Variants in PCDHGA6 observed in about 807,000 individuals in gnomAD.
PCDHGA6 encodes protocadherin gamma subfamily A, 6.
In PCDHGA6, 41 loss-of-function variants were observed where a neutral mutation model predicts 60.6. The ratio of observed to expected loss-of-function variants is 0.68; its 90% CI spans 0.53 to 0.88. PCDHGA6 has a LOEUF of 0.88. Ranked by LOEUF, PCDHGA6 falls within the 40% of genes least tolerant of loss-of-function variation. PCDHGA6 has a pLI of 0.00. For synonymous variants in PCDHGA6, 594 were observed against 524.4 expected, an observed-to-expected ratio of 1.13 and a Z score of -1.81; for missense variants, 1,312 against 1,203.0, an observed-to-expected ratio of 1.09 and a Z score of -1.34.
rs1176998287 is a variant in PCDHGA6 at position 141,375,049 on chromosome 5, G to C, written c.966G>C (p.Arg322=). ...TTTATGAGCTGGGTGTTGAAGCCCG[G>C]GATGGGCCAGGTCTTCGAGACAGAG... ...SSFYELGVEA[R]DGPGLRDRAK... Residue 322 remains arginine (R), a synonymous_variant, in exon 1 of 4, where the codon CGG becomes CGC. Coordinates refer to ENST00000517434, the MANE Select transcript of PCDHGA6 (RefSeq NM_018919.3). 2 of 1,614,010 alleles carry C rather than the reference G, an allele frequency of 1.2e-6. No individual in the cohort carries two copies. Among genetic ancestry groups the C allele is most frequent in the Non-Finnish European group, 1.7e-6 (2 of 1,179,900 alleles).
chr5:141,422,775 T>G (rs1179216247), intron 1 of PCDHGA6: 1 of 1,614,046 alleles, frequency 6.2e-7, no homozygotes, highest in Non-Finnish European at 8.5e-7. Context: ...GTGTTCTCTA[T>G]GCCCTACAAT....
chr5:141,388,818 G>T, intron 1 of PCDHGA6: 2 of 1,613,928 alleles, frequency 1.2e-6, no homozygotes, highest in Non-Finnish European at 1.7e-6. Context: ...AGAAGTCAAA[G>T]AATATTCCAT....
intron 1 of PCDHGA6, among the ~76,000 whole-genome samples, chr5:141,453,710 A>C (rs988115758): frequency 3.9e-5 from 6 of 152,242 alleles, no homozygotes; most frequent in African/African-American, 1.4e-4. Context: ...GAACAGTTTC[A>C]CTATAAAAAT....
Position 141,487,649 on chromosome 5 carries a change from G to T in PCDHGA6, c.2425-7158G>T. The T allele has an allele frequency of 1.2e-6, 2 of 1,614,020 alleles. No individual in the cohort carries two copies. The highest frequency in any genetic ancestry group is 1.7e-6 in the Non-Finnish European group (2 of 1,179,968). The stretch of plus-strand genomic sequence containing the variant: ...TTTGCAGGCTCAACAAATGCTTGAG[G>T]GTTATTCTGATCCAGGCATATGGCT... On this transcript the variant is annotated intron_variant, in intron 1 of 3. Coordinates refer to ENST00000517434, the MANE Select transcript of PCDHGA6 (RefSeq NM_018919.3). This position sits in a 1 kb window ranked among gnomAD's most constrained non-coding sequence, Gnocchi z 5.0.
intron 1 of PCDHGA6, among the ~76,000 whole-genome samples, chr5:141,435,395 C>T (rs946113643): frequency 5.3e-5 from 8 of 152,198 alleles, no homozygotes; most frequent in East Asian, 3.9e-4. Context: ...ATTGCCATGA[C>T]GAAAAATGGT....
intron 1 of PCDHGA6, chr5:141,442,382 T>C (rs1256682275): frequency 6.6e-6 from 1 of 152,290 alleles, no homozygotes; most frequent in East Asian, 1.9e-4. Flanking sequence ...CTACCAGGTG[T>C]GTGCTTCTCC....
At chr5:141,508,718 G>T (rs2099871076) in intron 3 of PCDHGA6, among the ~76,000 whole-genome samples, 1 of 151,852 alleles carries the variant, frequency 6.6e-6, no homozygotes, top group Non-Finnish European at 1.5e-5. Flanking sequence ...TTTTCTGTGT[G>T]CAGGGAGACT....
rs147783721 is a variant in PCDHGA6 at position 141,404,989 on chromosome 5, G to A, written c.2424+28482G>A. 5 of 1,614,046 alleles carry A rather than the reference G, an allele frequency of 3.1e-6. No homozygotes were observed. The South Asian group carries it at 4.4e-5, about 14-fold the overall frequency. On this transcript the variant is annotated intron_variant, in intron 1 of 3. Coordinates refer to ENST00000517434, the MANE Select transcript of PCDHGA6 (RefSeq NM_018919.3). The stretch of plus-strand genomic sequence containing the variant: ...TCCTGGCTGACCTGGGCAGTCTTCA[G>A]ATCCCTGCAGACCTGGAGGCCTCAG...
intron 1 of PCDHGA6, chr5:141,399,854 G>T (rs747617678): frequency 6.2e-7 from 1 of 1,612,904 alleles, no homozygotes; most frequent in Non-Finnish European, 8.5e-7. Flanking sequence ...ATGGTGCCGC[G>T]CGCTGCAGAG....
At chr5:141,397,254 A>G (rs961705126) in intron 1 of PCDHGA6, among the ~76,000 whole-genome samples, 12 of 152,184 alleles carry the variant, frequency 7.9e-5, no homozygotes, top group Non-Finnish European at 1.3e-4. Flanking sequence ...AGGGTATATC[A>G]TTTCTTAGCT....
At chr5:141,483,648 T>TTGTGTGTGTG (rs111458813) in intron 1 of PCDHGA6, among the ~76,000 whole-genome samples, 23 of 149,708 alleles carry the variant, frequency 1.5e-4, no homozygotes, top group African/African-American at 3.9e-4. Context: ...GGGTGTGTGT[T>TTGTGTGTGTG]TGTGTGTGTG....
At position 141,484,105 on chromosome 5, in the gene PCDHGA6, A is replaced by G. The variant is rs548687877; in HGVS notation, c.2425-10702A>G. On this transcript the variant is annotated intron_variant, in intron 1 of 3. Coordinates refer to ENST00000517434, the MANE Select transcript of PCDHGA6 (RefSeq NM_018919.3). Reference sequence around the variant, plus strand: ...GAAATGGTCTTCGTTGGTAATTAACAAAAGATCAAGAATACCTTGGTGTCA... The same window carrying G: ...GAAATGGTCTTCGTTGGTAATTAACGAAAGATCAAGAATACCTTGGTGTCA... Among the ~76,000 whole-genome samples, 3 of 152,316 alleles carry G rather than the reference A, an allele frequency of 2.0e-5. No individual in the cohort carries two copies. In the South Asian group the frequency reaches 6.2e-4, roughly 32 times the overall value.
rs934816631 is a variant in PCDHGA6, at chr5:141,378,863, G to A, written c.2424+2356G>A. 6 of 152,136 alleles carry A rather than the reference G, an allele frequency of 3.9e-5. No individual in the cohort carries two copies. The East Asian group carries it at 7.7e-4, about 20-fold the overall frequency. The allele number at this position is 152,136 out of a possible 1,614,324, so 9.4% of individuals were successfully genotyped here. ...GAGTTTTTGACTGTCAATGATGTTC[G>A]AATAGAAAATGGATCACTAAGGAGA... On this transcript the variant is annotated intron_variant, in intron 1 of 3. Transcript: ENST00000517434.
chr5:141,419,569 C>T (rs1200109635), intron 1 of PCDHGA6: 3 of 1,611,654 alleles, frequency 1.9e-6, no homozygotes, highest in East Asian at 2.2e-5. Context: ...TGGGTCCCGA[C>T]GGCTCCGCGC....
chr5:141,420,934 C>A (rs2096533899), intron 1 of PCDHGA6: 2 of 377,936 alleles, frequency 5.3e-6, no homozygotes, highest in South Asian at 5.3e-5. Flanking sequence ...TGAGCGTAAT[C>A]ATTTCTTCTG....
chr5:141,503,045 G>A (rs543484478), intron 2 of PCDHGA6, among the ~76,000 whole-genome samples: 1 of 151,702 alleles, frequency 6.6e-6, no homozygotes, highest in South Asian at 2.1e-4. Context: ...AGTTGAGACA[G>A]GGTTTCACCA....
chr5:141,426,276 C>A, intron 1 of PCDHGA6: 1 of 164,340 alleles, frequency 6.1e-6, no homozygotes, highest in South Asian at 1.6e-4. Context: ...TGCAGCAACG[C>A]ATGGGAAGGA....
Position 141,376,308 on chromosome 5 carries a change from G to T in PCDHGA6, c.2225G>T (p.Gly742Val), listed in dbSNP as rs766557828. Residue 742 changes from glycine (G) to valine (V), a missense_variant, in exon 1 of 4, where the codon GGC becomes GTC. By Grantham distance (109) the Gly-to-Val change is moderately radical. Coordinates refer to ENST00000517434, the MANE Select transcript of PCDHGA6 (RefSeq NM_018919.3). Reference protein sequence around the residue: ...LASMPGSHFVGVEGVRAFLQT... With the variant: ...LASMPGSHFVVVEGVRAFLQT... The stretch of plus-strand genomic sequence containing the variant: ...AGCATGCCCGGCTCGCACTTTGTGG[G>T]CGTGGAAGGGGTTCGGGCTTTCCTG... 1 of 1,614,208 alleles carries T rather than the reference G, an allele frequency of 6.2e-7. No individual in the cohort carries two copies. Among genetic ancestry groups the T allele is most frequent in the South Asian group, 1.1e-5 (1 of 91,080 alleles).
intron 1 of PCDHGA6, among the ~76,000 whole-genome samples, chr5:141,453,225 C>T (rs2098758997): frequency 6.6e-6 from 1 of 152,044 alleles, no homozygotes; most frequent in African/African-American, 2.4e-5. Context: ...GCGATCCTCC[C>T]ACCTCAGCCT....
Sources: allele counts gnomAD v4.1 joint callset (sites outside exome capture counted in the v4.1 genomes callset), GRCh38; gene constraint gnomAD v4.1.1; non-coding constraint Gnocchi (gnomAD v3.1); transcripts MANE v1.5; gene names NCBI Gene and HGNC (gene_info 2026-07-23, HGNC 2026-07-21).